Variants in KCNQ3 observed in about 807,000 individuals in gnomAD.
The protein encoded by KCNQ3 is potassium voltage-gated channel subfamily Q member 3, also known as potassium voltage-gated channel subfamily KQT member 3.
Under a neutral mutation model 92.5 loss-of-function variants are expected in KCNQ3, and 30 were observed. That is an observed-to-expected ratio of 0.32 (90% CI 0.24 to 0.44). KCNQ3 has a LOEUF of 0.44. KCNQ3 is among the 20% of genes least tolerant of loss of function. The probability of loss-of-function intolerance (pLI) is 1.00; values close to 1 mark genes in which losing one functional copy is unlikely to be tolerated. For missense variants in KCNQ3, 913 were observed against 1,140.3 expected (o/e 0.80, Z 2.87); for synonymous variants, 450 against 468.8 (o/e 0.96, Z 0.52).
chr8:132,209,895 T>G (rs926902578), intron 1 of KCNQ3, among the ~76,000 whole-genome samples: 10 of 152,210 alleles, frequency 6.6e-5, no homozygotes, highest in Admixed American at 2.0e-4. Context: ...TCAGTGGGCC[T>G]CTGTGTATGT....
At chr8:132,306,818 A>T (rs1817438845) in intron 1 of KCNQ3, among the ~76,000 whole-genome samples, 1 of 152,218 alleles carries the variant, frequency 6.6e-6, no homozygotes, top group Non-Finnish European at 1.5e-5. Context: ...GTAATGGAAT[A>T]TTCCCTAGCT....
chr8:132,237,582 C>A (rs577612489), intron 1 of KCNQ3, among the ~76,000 whole-genome samples: 1 of 152,240 alleles, frequency 6.6e-6, no homozygotes, highest in South Asian at 2.1e-4. Context: ...TGGCAACAGG[C>A]AAGGGCTTCA....
chr8:132,447,034 C>T (rs1036979997), intron 1 of KCNQ3, among the ~76,000 whole-genome samples: 2 of 152,166 alleles, frequency 1.3e-5, no homozygotes, highest in Non-Finnish European at 2.9e-5. Context: ...TGTTCAATCC[C>T]ACAACAAACA....
At chr8:132,352,489 G>A (rs1308672930) in intron 1 of KCNQ3, among the ~76,000 whole-genome samples, 1 of 152,118 alleles carries the variant, frequency 6.6e-6, no homozygotes. Flanking sequence ...CACAGAGCAG[G>A]ACTCGCTTAG....
intron 1 of KCNQ3, among the ~76,000 whole-genome samples, chr8:132,358,929 A>C (rs987071381): frequency 2.6e-5 from 4 of 152,260 alleles, no homozygotes; most frequent in Non-Finnish European, 5.9e-5. Flanking sequence ...ACCAAACCCC[A>C]TCAGCTCGAG....
At chr8:132,228,377 G>C (rs968081552) in intron 1 of KCNQ3, among the ~76,000 whole-genome samples, 4 of 152,156 alleles carry the variant, frequency 2.6e-5, no homozygotes, top group African/African-American at 9.7e-5. Flanking sequence ...TATTGAGAGA[G>C]AGAGAGAGAG....
chr8:132,381,719 G>A (rs1458615448), intron 1 of KCNQ3, among the ~76,000 whole-genome samples: 2 of 152,192 alleles, frequency 1.3e-5, no homozygotes, highest in East Asian at 1.9e-4. Context: ...TTCTAGTGAT[G>A]GATGCAGAAG....
chr8:132,403,930 G>A (rs1382640874), intron 1 of KCNQ3, among the ~76,000 whole-genome samples: 1 of 152,154 alleles, frequency 6.6e-6, no homozygotes, highest in Non-Finnish European at 1.5e-5. Flanking sequence ...CCTCACCAAG[G>A]GGCCAGAGCC....
At chr8:132,202,049 C>G (rs1827477950) in intron 1 of KCNQ3, among the ~76,000 whole-genome samples, 1 of 152,158 alleles carries the variant, frequency 6.6e-6, no homozygotes, top group Non-Finnish European at 1.5e-5. Context: ...CCAGGGCTTG[C>G]ACATTCTGGA....
At chr8:132,277,891 CT>C in intron 1 of KCNQ3, 1 of 939,842 alleles carries the variant, frequency 1.1e-6, no homozygotes, top group Non-Finnish European at 1.3e-6. Flanking sequence ...AATGATCCCC[CT>C]GTCTCTGCTT....
At chr8:132,136,118 CAAAAAAAAAAAA>C (rs67331428) in intron 12 of KCNQ3, among the ~76,000 whole-genome samples, 6 of 40,018 alleles carry the variant, frequency 1.5e-4, no homozygotes, top group South Asian at 1.3e-3. Context: ...GACTCCATCT[CAAAAAAAAAAAA>C]AAAAAAAAAA....
rs1822527120 is a variant in KCNQ3, at chr8:132,480,474, C to T, written c.59G>A (p.Gly20Asp). The change falls in exon 1 of 15, where the codon GGC (glycine) becomes GAC (aspartate). Residue 20 changes from glycine to aspartate, a missense_variant. By Grantham distance (94) the Gly-to-Asp change is moderately conservative (BLOSUM62 -1). Coordinates refer to ENST00000388996, the MANE Select transcript of KCNQ3 (RefSeq NM_004519.4). ...GAAGGGGDGGGGGGGAANPAG... is the reference protein window; with the variant it reads ...GAAGGGGDGGDGGGGAANPAG... ...TGGGTTAGCCGCCCCGCCGCCTCCG[C>T]CGCCCCCGTCGCCGCCGCCGCCAGC... 3 of 1,233,144 alleles carry T rather than the reference C, an allele frequency of 2.4e-6. No individual in the cohort carries two copies. The highest frequency in any genetic ancestry group is 3.0e-6 in the Non-Finnish European group (3 of 992,770). The allele number at this position is 1,233,144 out of a possible 1,614,324, so 76.4% of individuals were successfully genotyped here.
chr8:132,187,978 A>T (rs1354420362), intron 1 of KCNQ3, among the ~76,000 whole-genome samples: 1 of 141,196 alleles, frequency 7.1e-6, no homozygotes, highest in Non-Finnish European at 1.6e-5. Flanking sequence ...AACATCAGTA[A>T]CTGTTACTAC....
At chr8:132,389,895 C>A (rs1462413753) in intron 1 of KCNQ3, among the ~76,000 whole-genome samples, 4 of 152,098 alleles carry the variant, frequency 2.6e-5, no homozygotes. Flanking sequence ...ATTAATGTAC[C>A]CTTTAACCAG....
chr8:132,452,986 C>T (rs1821856254), intron 1 of KCNQ3, among the ~76,000 whole-genome samples: 1 of 147,682 alleles, frequency 6.8e-6, no homozygotes, highest in Non-Finnish European at 1.5e-5. Context: ...TGACAGGGTG[C>T]TTGGAAGGAT....
intron 1 of KCNQ3, among the ~76,000 whole-genome samples, chr8:132,458,386 A>G (rs1468304793): frequency 6.6e-6 from 1 of 152,252 alleles, no homozygotes; most frequent in Non-Finnish European, 1.5e-5. Context: ...GGACTTCTAC[A>G]TGTGTCATGC....
intron 1 of KCNQ3, among the ~76,000 whole-genome samples, chr8:132,198,818 A>C (rs1193204528): frequency 2.0e-5 from 3 of 152,108 alleles, no homozygotes; most frequent in African/African-American, 4.8e-5. Flanking sequence ...AAAAACAAAA[A>C]CCAAAAAAAC....
At chr8:132,226,224 T>A (rs970218492) in intron 1 of KCNQ3, among the ~76,000 whole-genome samples, 1 of 151,488 alleles carries the variant, frequency 6.6e-6, no homozygotes, top group Non-Finnish European at 1.5e-5. Flanking sequence ...TGAGCTGAGA[T>A]TGCACCAGTG....
At chr8:132,460,390 C>A (rs1485927740) in intron 1 of KCNQ3, among the ~76,000 whole-genome samples, 1 of 152,102 alleles carries the variant, frequency 6.6e-6, no homozygotes, top group Non-Finnish European at 1.5e-5. Context: ...AACTCAAATC[C>A]ATACTACATG....
Sources: allele counts gnomAD v4.1 joint callset (sites outside exome capture counted in the v4.1 genomes callset), GRCh38; gene constraint gnomAD v4.1.1; transcripts MANE v1.5; gene names NCBI Gene and HGNC (gene_info 2026-07-23, HGNC 2026-07-21).